MAP3K7CL: variants seen among roughly 807,000 people sequenced by gnomAD.
MAP3K7CL encodes the protein MAP3K7 C-terminal like, also known as MAP3K7 C-terminal-like protein.
Under a neutral mutation model 18.6 loss-of-function variants are expected in MAP3K7CL, and 16 were observed. That is an observed-to-expected ratio of 0.86 (90% CI 0.58 to 1.31). MAP3K7CL has a LOEUF of 1.31. Ranked by LOEUF, MAP3K7CL falls within the 50% of genes most tolerant of loss-of-function variation. MAP3K7CL has a pLI of 0.00. For synonymous variants in MAP3K7CL, 65 were observed against 66.8 expected, an observed-to-expected ratio of 0.97 and a Z score of 0.13; for missense variants, 163 against 174.4, an observed-to-expected ratio of 0.93 and a Z score of 0.37.
Position 29,142,409 on chromosome 21 carries a change from A to G in MAP3K7CL, c.71-6780A>G, listed in dbSNP as rs146675119. On this transcript the variant is annotated intron_variant, in intron 2 of 4. Transcript: ENST00000399928. ...AGATTTAAATGAAGAGAGTAAATCC[A>G]CAAGACCTGAGGTTATGGCTGCATC... Among the ~76,000 whole-genome samples, 30 of 152,366 alleles carry G rather than the reference A, an allele frequency of 2.0e-4. No individual in the cohort carries two copies. In the East Asian group the frequency reaches 5.4e-3, roughly 27 times the overall value.
chr21:29,124,353 C>CAAAAAA (rs59499297), intron 4 of MAP3K7CL, among the ~76,000 whole-genome samples: 30 of 78,566 alleles, frequency 3.8e-4, no homozygotes, highest in Admixed American at 6.3e-4. Context: ...GACTCCGTCT[C>CAAAAAA]AAAAAAAAAA....
intron 1 of MAP3K7CL, 64 bp from the exon 2 acceptor site, chr21:29,133,242 G>A (rs2099037326): frequency 2.4e-6 from 3 of 1,225,994 alleles, no homozygotes. Context: ...ATTTCCAAGG[G>A]CCTCTGAGTA....
At chr21:29,148,220 T>C (rs1429110801) in intron 2 of MAP3K7CL, among the ~76,000 whole-genome samples, 1 of 152,078 alleles carries the variant, frequency 6.6e-6, no homozygotes, top group African/African-American at 2.4e-5. Flanking sequence ...ATCTCTATTA[T>C]ATATGTATGT....
At chr21:29,109,325 T>G in intron 4 of MAP3K7CL, 1 of 1,412,878 alleles carries the variant, frequency 7.1e-7, no homozygotes, top group Non-Finnish European at 9.2e-7. Context: ...TCACTATTCC[T>G]TCTAGTAATT....
rs546622396 is a variant in MAP3K7CL, at chr21:29,173,268, C to T, written c.249-1444C>T. Among the ~76,000 whole-genome samples, 53 of 152,328 alleles carry T rather than the reference C, an allele frequency of 3.5e-4. 1 individual carries two copies. In the South Asian group the frequency reaches 0.011, roughly 31 times the overall value. On this transcript the variant is annotated intron_variant, in intron 4 of 4. Coordinates refer to ENST00000399928, the MANE Select transcript of MAP3K7CL (RefSeq NM_001286620.2). ...ATCATGAAGTAAGTTCCAGATACTT[C>T]CACATCTACATTATTATTGACTCAA...
chr21:29,170,172 C>T (rs1392211235), intron 4 of MAP3K7CL, among the ~76,000 whole-genome samples: 1 of 152,154 alleles, frequency 6.6e-6, no homozygotes, highest in African/African-American at 2.4e-5. Context: ...ATAAATATGT[C>T]TATATAAATA....
intron 4 of MAP3K7CL, among the ~76,000 whole-genome samples, chr21:29,174,281 A>T (rs1164603381): frequency 2.0e-5 from 3 of 152,250 alleles, no homozygotes; most frequent in East Asian, 3.8e-4. Context: ...TTCAACTCAG[A>T]TGTAGGAAAC....
intron 4 of MAP3K7CL, among the ~76,000 whole-genome samples, chr21:29,172,838 C>T (rs558527269): frequency 3.9e-5 from 5 of 128,612 alleles, no homozygotes; most frequent in Admixed American, 2.5e-4. Context: ...TGAGCAACCC[C>T]CCCCTCCCCC....
At chr21:29,097,531 G>T (rs1281567112) in intron 4 of MAP3K7CL, among the ~76,000 whole-genome samples, 1 of 151,794 alleles carries the variant, frequency 6.6e-6, no homozygotes, top group East Asian at 1.9e-4. Flanking sequence ...AATATTTAAG[G>T]TGTAATGATT....
At chr21:29,134,879 C>G (rs189758205) in intron 2 of MAP3K7CL, among the ~76,000 whole-genome samples, 140 of 152,192 alleles carry the variant, frequency 9.2e-4, no homozygotes, top group Middle Eastern at 6.8e-3. Context: ...GAAACCCTGT[C>G]TCTACTAAAA....
upstream of MAP3K7CL, among the ~76,000 whole-genome samples, chr21:29,082,777 C>T (rs11910725): frequency 2.0e-5 from 3 of 152,142 alleles, no homozygotes; most frequent in Non-Finnish European, 2.9e-5. Context: ...AAACCCCAGT[C>T]CCTGCTTTTG....
chr21:29,135,397 A>G (rs2086864587), intron 2 of MAP3K7CL, among the ~76,000 whole-genome samples: 1 of 152,184 alleles, frequency 6.6e-6, no homozygotes, highest in Non-Finnish European at 1.5e-5. Flanking sequence ...TTTCTTTTTT[A>G]CTCATGCTGC....
chr21:29,159,024 G>A (rs773380627), intron 3 of MAP3K7CL, among the ~76,000 whole-genome samples: 7 of 149,488 alleles, frequency 4.7e-5, no homozygotes, highest in African/African-American at 9.9e-5. Context: ...GGGTTCAAGC[G>A]ATTCTCCTGC....
chr21:29,105,487 G>C (rs2086305099), intron 4 of MAP3K7CL, among the ~76,000 whole-genome samples: 1 of 152,194 alleles, frequency 6.6e-6, no homozygotes, highest in South Asian at 2.1e-4. Flanking sequence ...AATAATCCTA[G>C]TACTGTGTGA....
intron 1 of MAP3K7CL, among the ~76,000 whole-genome samples, chr21:29,087,589 C>CTTTTTTT (rs56775764): frequency 1.0e-3 from 106 of 104,286 alleles, no homozygotes; most frequent in Non-Finnish European, 1.4e-3. Context: ...TTTTCTTTTT[C>CTTTTTTT]TTTTTTTTTT....
At chr21:29,152,458 C>G (rs1050406632) in intron 3 of MAP3K7CL, among the ~76,000 whole-genome samples, 1 of 152,146 alleles carries the variant, frequency 6.6e-6, no homozygotes, top group African/African-American at 2.4e-5. Flanking sequence ...GGAATTTTAT[C>G]GACTATCATC....
Position 29,174,924 on chromosome 21 carries a change from T to C in MAP3K7CL, c.*32T>C. ...ATTTTTCAGTGTGAGCATACGAGGC[T>C]GATGACTGCCCTGTGCTGGCCAAAA... is the stretch of plus-strand genomic sequence containing the variant. On this transcript the variant is annotated 3_prime_UTR_variant, in exon 5 of 5. Coordinates refer to ENST00000399928, the MANE Select transcript of MAP3K7CL (RefSeq NM_001286620.2). The C allele has an allele frequency of 6.2e-7, 1 of 1,602,618 alleles. No homozygotes were observed. The highest frequency in any genetic ancestry group is 8.5e-7 in the Non-Finnish European group (1 of 1,172,856).
intron 2 of MAP3K7CL, among the ~76,000 whole-genome samples, chr21:29,139,752 T>A (rs1203976507): frequency 6.6e-6 from 1 of 152,030 alleles, no homozygotes; most frequent in Admixed American, 6.6e-5. Flanking sequence ...GCCCAGCTAA[T>A]TTTTGTATTT....
intron 3 of MAP3K7CL, among the ~76,000 whole-genome samples, chr21:29,154,332 A>T (rs2087348259): frequency 6.6e-6 from 1 of 152,102 alleles, no homozygotes; most frequent in Non-Finnish European, 1.5e-5. Context: ...TAAGTTAGGG[A>T]TAGAAGTTCT....
Sources: gnomAD v4.1 joint callset for allele counts (sites outside exome capture counted in the v4.1 genomes callset) on GRCh38, gnomAD v4.1.1 for gene constraint, MANE v1.5 for transcripts, NCBI Gene and HGNC (gene_info 2026-07-23, HGNC 2026-07-21) for gene names.